Variants in DLC1 observed in about 807,000 individuals in gnomAD.
DLC1 encodes rho GTPase-activating protein 7.
In DLC1, 54 loss-of-function variants were observed where a neutral mutation model predicts 140.3. The observed-to-expected ratio is 0.38, with a 90% CI of 0.31 to 0.48. DLC1 has a LOEUF of 0.48. Ranked by LOEUF, DLC1 falls within the 20% of genes least tolerant of loss-of-function variation. The probability of loss-of-function intolerance (pLI) is 0.96; values close to 1 mark genes in which losing one functional copy is unlikely to be tolerated. For missense variants in DLC1, 2,536 were observed against 1,907.0 expected, an observed-to-expected ratio of 1.33 and a Z score of -6.14; for synonymous variants, 986 against 728.1, an observed-to-expected ratio of 1.35 and a Z score of -5.70.
Position 13,295,938 on chromosome 8 carries a change from C to CTTTTT in DLC1, c.1348+9330_1348+9331insAAAAA, listed in dbSNP as rs34697767. ...ATCTAAGAGATGATCAGATAAGATT[C>CTTTTT]TTTGTTTTTTTTTTTTTTTTTTTTT... On this transcript the variant is annotated intron_variant, in intron 5 of 17. Transcript: ENST00000276297. Among the ~76,000 whole-genome samples the CTTTTT allele has an allele frequency of 4.1e-3, 219 of 53,142 alleles. 32 individuals carry two copies. Among genetic ancestry groups the CTTTTT allele is most frequent in the Middle Eastern group, 0.034 (2 of 58 alleles). 34.9% of individuals were successfully genotyped at this position (53,142 alleles called of 152,430 possible). A position where few individuals can be genotyped will look rare whatever the true frequency, so the allele number is the denominator to read the frequency against.
intron 5 of DLC1, among the ~76,000 whole-genome samples, chr8:13,250,805 C>T (rs1829971286): frequency 6.6e-6 from 1 of 152,058 alleles, no homozygotes; most frequent in African/African-American, 2.4e-5. Flanking sequence ...TTACTTTAGT[C>T]CACATCTTCC....
intron 2 of DLC1, among the ~76,000 whole-genome samples, chr8:13,482,522 T>G (rs1337820795): frequency 6.7e-6 from 1 of 148,732 alleles, no homozygotes; most frequent in Non-Finnish European, 1.5e-5. Flanking sequence ...GAATCTTGAC[T>G]TCTTAAAACT....
At chr8:13,258,061 C>T (rs1031614612) in intron 5 of DLC1, among the ~76,000 whole-genome samples, 5 of 152,196 alleles carry the variant, frequency 3.3e-5, no homozygotes, top group Non-Finnish European at 7.3e-5. Context: ...TTAAACACAG[C>T]AAGTTTCAAT....
chr8:13,321,408 C>A (rs535344369), intron 4 of DLC1, among the ~76,000 whole-genome samples: 1 of 151,808 alleles, frequency 6.6e-6, no homozygotes, highest in African/African-American at 2.4e-5. Flanking sequence ...TGTGGTGGTG[C>A]GTGCCTGTAG....
intron 5 of DLC1, among the ~76,000 whole-genome samples, chr8:13,298,769 C>G (rs1031797955): frequency 6.6e-5 from 10 of 152,250 alleles, no homozygotes; most frequent in African/African-American, 2.2e-4. Flanking sequence ...GCACTATGCT[C>G]ACTACTTGAG....
intron 1 of DLC1, among the ~76,000 whole-genome samples, chr8:13,569,626 T>G (rs1269296695): frequency 6.6e-6 from 1 of 152,174 alleles, no homozygotes; most frequent in Non-Finnish European, 1.5e-5. Context: ...TCCTTTTTAT[T>G]TTTCAACTCA....
intron 5 of DLC1, among the ~76,000 whole-genome samples, chr8:13,173,537 A>G (rs10101309): frequency 0.043 from 6,489 of 152,054 alleles, 467 homozygotes; most frequent in African/African-American, 0.15. Flanking sequence ...AAGCGCTGCT[A>G]ATTTTTGTAT....
intron 1 of DLC1, among the ~76,000 whole-genome samples, chr8:13,506,709 G>A (rs536678003): frequency 9.1e-4 from 137 of 151,360 alleles, no homozygotes; most frequent in African/African-American, 3.1e-3. Flanking sequence ...AACAGCTATC[G>A]CATAGCATGT....
chr8:13,158,748 G>A (rs551383788), intron 5 of DLC1, among the ~76,000 whole-genome samples: 378 of 13,728 alleles, frequency 0.028, 25 homozygotes, highest in South Asian at 0.08. Flanking sequence ...CCCCCCCCCC[G>A]CCCGCCACAC....
intron 6 of DLC1, among the ~76,000 whole-genome samples, chr8:13,113,356 G>T (rs1321137147): frequency 6.6e-6 from 1 of 152,240 alleles, no homozygotes; most frequent in African/African-American, 2.4e-5. Flanking sequence ...AAAAACGGGG[G>T]GAGGCAATGG....
At chr8:13,328,584 G>A (rs892314327) in intron 4 of DLC1, among the ~76,000 whole-genome samples, 1 of 152,106 alleles carries the variant, frequency 6.6e-6, no homozygotes, top group Non-Finnish European at 1.5e-5. Flanking sequence ...TTAAACCACT[G>A]GTTTTAGGAG....
intron 5 of DLC1, among the ~76,000 whole-genome samples, chr8:13,120,356 A>AATATAT (rs1554577907): frequency 1.6e-5 from 1 of 61,122 alleles, no homozygotes; most frequent in African/African-American, 4.2e-5. Flanking sequence ...AAAAAAAAAA[A>AATATAT]ATATATATAT....
chr8:13,114,635 G>A (rs1247037286), intron 6 of DLC1, among the ~76,000 whole-genome samples: 1 of 152,078 alleles, frequency 6.6e-6, no homozygotes, highest in Non-Finnish European at 1.5e-5. Context: ...CAAATGGTGG[G>A]AAAGATATCT....
At position 13,086,439 on chromosome 8, in the gene DLC1, T is replaced by C; in HGVS notation, c.4317A>G (p.Lys1439=). 6.2e-7 allele frequency: 1 copy of C among 1,614,122 alleles called. No homozygotes were observed. The highest frequency in any genetic ancestry group is 8.5e-7 in the Non-Finnish European group (1 of 1,180,012). Residue 1439 remains lysine (K), a synonymous_variant, in exon 17 of 18, where the codon AAA becomes AAG. Coordinates refer to ENST00000276297, the MANE Select transcript of DLC1 (RefSeq NM_182643.3). ...AGGTTAGTAAAAGGGCACAGGCTCC[T>C]TTGGGTAAATTAGTCCTCCAGGTTC... ...VLRTWRTNLP[K]GACALLLTSV... is the part of the protein sequence containing the mutation.
At chr8:13,519,970 A>T (rs761828291) in intron 1 of DLC1, among the ~76,000 whole-genome samples, 1 of 152,356 alleles carries the variant, frequency 6.6e-6, no homozygotes, top group South Asian at 2.1e-4. Context: ...ACGTCAGGAA[A>T]CAACAGATGC....
chr8:13,452,783 C>T (rs1469900442), intron 2 of DLC1, among the ~76,000 whole-genome samples: 2 of 152,146 alleles, frequency 1.3e-5, no homozygotes, highest in African/African-American at 4.8e-5. Flanking sequence ...TTTAAGCATA[C>T]AATCATACAC....
At chr8:13,419,708 T>C (rs1283162025) in intron 2 of DLC1, among the ~76,000 whole-genome samples, 4 of 152,210 alleles carry the variant, frequency 2.6e-5, no homozygotes, top group African/African-American at 4.8e-5. Flanking sequence ...GCTTTGGTAT[T>C]AGGATGATGC....
intron 5 of DLC1, among the ~76,000 whole-genome samples, chr8:13,201,258 G>A (rs572564324): frequency 1.3e-5 from 2 of 151,952 alleles, no homozygotes; most frequent in African/African-American, 2.4e-5. Context: ...AAATAACTTA[G>A]AGACGAAAAA....
At chr8:13,228,269 C>A (rs1429158523) in intron 5 of DLC1, among the ~76,000 whole-genome samples, 1 of 148,628 alleles carries the variant, frequency 6.7e-6, no homozygotes, top group Non-Finnish European at 1.5e-5. Context: ...TGACTCATTT[C>A]TTTTTAAGGA....
Sources: allele counts gnomAD v4.1 joint callset (sites outside exome capture counted in the v4.1 genomes callset), GRCh38; gene constraint gnomAD v4.1.1; transcripts MANE v1.5; gene names NCBI Gene and HGNC (gene_info 2026-07-23, HGNC 2026-07-21).